SRR: variants seen among roughly 807,000 people sequenced by gnomAD.
The protein encoded by SRR is serine racemase.
SRR carries 19 observed loss-of-function variants against 32.7 expected under a neutral mutation model. The observed-to-expected ratio is 0.58, with a 90% confidence interval of 0.40 to 0.85. The LOEUF (loss-of-function observed/expected upper bound fraction) is 0.85. SRR is among the 40% of genes least tolerant of loss of function. SRR has a pLI of 0.00. For synonymous variants in SRR, 142 were observed against 140.9 expected (o/e 1.01, Z -0.06); for missense variants, 373 against 404.7 (o/e 0.92, Z 0.67).
intron 1 of SRR, chr17:2,310,081 T>C (rs2075422722): frequency 6.6e-6 from 1 of 150,448 alleles, no homozygotes; most frequent in South Asian, 2.1e-4. Flanking sequence ...GGTTTGTTCA[T>C]TTCTTCATGG....
chr17:2,303,613 A>G, upstream of SRR: 2 of 1,437,638 alleles, frequency 1.4e-6, no homozygotes, highest in Non-Finnish European at 1.8e-6. Flanking sequence ...CCGGCCCAGG[A>G]GCTGGGCGGC....
intron 1 of SRR, among the ~76,000 whole-genome samples, chr17:2,313,820 G>C (rs556129611): frequency 6.6e-6 from 1 of 152,252 alleles, no homozygotes; most frequent in South Asian, 2.1e-4. Flanking sequence ...AAAAAAAGAA[G>C]TTACCAAACC....
At chr17:2,309,338 C>A (rs919866654) in intron 1 of SRR, among the ~76,000 whole-genome samples, 1 of 152,168 alleles carries the variant, frequency 6.6e-6, no homozygotes, top group Non-Finnish European at 1.5e-5. Flanking sequence ...CTATAATGAA[C>A]ATGTATGGAA....
intron 1 of SRR, chr17:2,307,640 C>A: frequency 1.0e-6 from 1 of 958,722 alleles, no homozygotes; most frequent in Non-Finnish European, 1.7e-6. Context: ...CAGGCCAATA[C>A]TTTACCAAAC....
intron 1 of SRR, among the ~76,000 whole-genome samples, chr17:2,314,484 G>A (rs1011136681): frequency 5.3e-5 from 8 of 151,962 alleles, no homozygotes; most frequent in Non-Finnish European, 1.0e-4. Flanking sequence ...CAGGGAGGCT[G>A]AGGCAGGAGA....
intron 6 of SRR, 132 bp from the exon 7 acceptor site, chr17:2,323,004 A>T: frequency 2.3e-6 from 2 of 862,828 alleles, no homozygotes; most frequent in Non-Finnish European, 3.6e-6. Context: ...ACCTCAGCTG[A>T]TCCACCCGCC....
intron 1 of SRR, chr17:2,309,818 C>T (rs1044055982): frequency 3.3e-5 from 5 of 152,134 alleles, no homozygotes; most frequent in Non-Finnish European, 5.9e-5. Flanking sequence ...CAAGATGGGC[C>T]AGAGTCCTTA....
intron 2 of SRR, among the ~76,000 whole-genome samples, chr17:2,316,974 T>G (rs769380050): frequency 8.7e-5 from 13 of 149,610 alleles, no homozygotes; most frequent in Admixed American, 3.3e-4. Context: ...CGCCCGCCTC[T>G]GCCTCCCAAA....
At chr17:2,306,271 G>T (rs2075389540) in intron 1 of SRR, among the ~76,000 whole-genome samples, 1 of 151,446 alleles carries the variant, frequency 6.6e-6, no homozygotes, top group South Asian at 2.1e-4. Context: ...AGCCGAGATT[G>T]CTCCACTGCA....
At chr17:2,303,894 G>A (rs1272751215), upstream of SRR, 4 of 460,346 alleles carry the variant, frequency 8.7e-6, no homozygotes, top group Non-Finnish European at 1.5e-5. Context: ...CCCGCCGCCG[G>A]TTCCAGAGGG....
chr17:2,318,121 G>A, intron 3 of SRR, 125 bp downstream of exon 3: 2 of 1,138,300 alleles, frequency 1.8e-6, no homozygotes, highest in Non-Finnish European at 2.4e-6. Flanking sequence ...CTGATTGCAA[G>A]CAATATGAAC....
intron 4 of SRR, among the ~76,000 whole-genome samples, chr17:2,319,504 C>G (rs2151435343): frequency 6.6e-6 from 1 of 152,140 alleles, no homozygotes; most frequent in African/African-American, 2.4e-5. Context: ...TGGTCTCAAA[C>G]TCCTGGATTC....
At position 2,318,885 on chromosome 17, in the gene SRR, C is replaced by T. The variant is rs1262868358; in HGVS notation, c.355C>T (p.Gln119Ter). 2 of 1,613,882 alleles carry T rather than the reference C, an allele frequency of 1.2e-6. No individual in the cohort carries two copies. The highest frequency in any genetic ancestry group is 2.2e-5 in the East Asian group (1 of 44,870). The change falls in exon 4 of 8, where the codon CAA (glutamine) becomes TAA (stop). Residue 119 changes from glutamine (Q) to a stop codon, truncating the protein, a stop_gained. Coordinates refer to ENST00000344595, the MANE Select transcript of SRR (RefSeq NM_021947.3). LOFTEE classifies it high-confidence loss of function. Reference protein sequence around the residue: ...TAPDCKKLAIQAYGASIVYCE... With the variant: ...TAPDCKKLAI ...TCCAGACTGTAAAAAACTTGCAATA[C>T]AAGCCTACGGAGCGTCAATTGTATA...
rs35025479 is a variant in SRR, at chr17:2,320,251, C to CTTTTTTTT, written c.400-1037_400-1030dup. The stretch of plus-strand genomic sequence containing the variant: ...CTATCTTTCTGACCTCATCTCTCAT[C>CTTTTTTTT]TTTTTTTTTTTTTTTTTTTTTTTTT... On this transcript the variant is annotated intron_variant, in intron 4 of 7. Transcript: ENST00000344595. Among the ~76,000 whole-genome samples the CTTTTTTTT allele has an allele frequency of 3.9e-5, 3 of 76,738 alleles. 1 individual carries two copies. The highest frequency in any genetic ancestry group is 6.9e-5 in the Non-Finnish European group (3 of 43,212). 50.3% of individuals were successfully genotyped at this position (76,738 alleles called of 152,430 possible). A position where few individuals can be genotyped will look rare whatever the true frequency, so the allele number is the denominator to read the frequency against.
rs1160352821 is a variant in SRR at position 2,324,996 on chromosome 17, T to G, written c.*1123T>G. The G allele has an allele frequency of 5.6e-6, 4 of 716,108 alleles. No homozygotes were observed. In the African/African-American group the frequency reaches 7.1e-5, roughly 13 times the overall value. 44.4% of individuals were successfully genotyped at this position (716,108 alleles called of 1,614,324 possible). On this transcript the variant is annotated 3_prime_UTR_variant, in exon 8 of 8. Coordinates refer to ENST00000344595, the MANE Select transcript of SRR (RefSeq NM_021947.3). ...GTAAGCCCACACTTAACCTTGTCAATAGGTTCTTGAAAACTTGTACTTCAA... is the reference window on the plus strand; with the variant it reads ...GTAAGCCCACACTTAACCTTGTCAAGAGGTTCTTGAAAACTTGTACTTCAA...
At position 2,321,542 on chromosome 17, in the gene SRR, G is replaced by T. The variant is rs147900333; in HGVS notation, c.520G>T (p.Val174Phe). The change falls in exon 6 of 8, where the codon GTT becomes TTT. Residue 174 changes from valine to phenylalanine, a missense_variant and splice_region_variant. By Grantham distance (50) the Val-to-Phe change is conservative (BLOSUM62 -1). Coordinates refer to ENST00000344595, the MANE Select transcript of SRR (RefSeq NM_021947.3). ...GTIALEVLNQ[V>F]PLVDALVVPV... Reference sequence around the variant, plus strand: ...CTTACAGTTTATATTTTCACTAAAGGTTCCTTTGGTGGATGCACTGGTGGT... The same window carrying T: ...CTTACAGTTTATATTTTCACTAAAGTTTCCTTTGGTGGATGCACTGGTGGT... 3.8e-5 allele frequency: 61 copies of T among 1,613,932 alleles called. 1 individual carries two copies. The highest frequency in any genetic ancestry group is 1.7e-4 in the Middle Eastern group (1 of 6,060).
chr17:2,323,614 A>T (rs1186341105), intron 7 of SRR, 41 bp from the exon 8 acceptor site: 1 of 1,596,660 alleles, frequency 6.3e-7, no homozygotes, highest in Non-Finnish European at 8.6e-7. Flanking sequence ...AACCAACTAG[A>T]CTCCCCTTTC....
chr17:2,303,568 C>CA (rs2075339084), upstream of SRR: 7 of 1,364,360 alleles, frequency 5.1e-6, no homozygotes, highest in Non-Finnish European at 6.6e-6. Context: ...GGGGAGGAGG[C>CA]AGAGGAGGAG....
chr17:2,303,686 G>A, upstream of SRR: 1 of 1,496,400 alleles, frequency 6.7e-7, no homozygotes, highest in East Asian at 2.9e-5. Context: ...CAGCTCCGAC[G>A]CGGAGATCCG....
Sources: allele counts gnomAD v4.1 joint callset (sites outside exome capture counted in the v4.1 genomes callset), GRCh38; gene constraint gnomAD v4.1.1; transcripts MANE v1.5; gene names NCBI Gene and HGNC (gene_info 2026-07-23, HGNC 2026-07-21).